The following RBFOX1 variants were observed in gnomAD, a reference collection of about 807,000 sequenced individuals.
RBFOX1 encodes RNA binding fox-1 homolog 1.
In RBFOX1, 8 loss-of-function variants were observed where a neutral mutation model predicts 57.7. The observed-to-expected ratio is 0.14, with a 90% CI of 0.08 to 0.25. The LOEUF is 0.25. Among genes scored for constraint, RBFOX1 ranks in the 10% least tolerant of loss-of-function variants. RBFOX1 has a pLI of 1.00. For synonymous variants in RBFOX1, 326 were observed against 222.4 expected (o/e 1.47, Z -4.15); for missense variants, 611 against 548.5 (o/e 1.11, Z -1.14).
At chr16:7,273,199 T>TCCCC (rs2095366723) in intron 4 of RBFOX1, among the ~76,000 whole-genome samples, 1 of 60,666 alleles carries the variant, frequency 1.6e-5, no homozygotes, top group Non-Finnish European at 3.0e-5. Flanking sequence ...CCTTCCTTCC[T>TCCCC]CCCTCCCTTC....
chr16:6,239,742 C>G (rs1190102180), intron 1 of RBFOX1, among the ~76,000 whole-genome samples: 1 of 152,140 alleles, frequency 6.6e-6, no homozygotes, highest in Admixed American at 6.5e-5. Context: ...CATGATCCGC[C>G]TGCCTTGGCC....
chr16:7,233,872 C>A (rs895883007), intron 4 of RBFOX1, among the ~76,000 whole-genome samples: 8 of 152,148 alleles, frequency 5.3e-5, no homozygotes, highest in African/African-American at 1.9e-4. Flanking sequence ...CCGATCTTAG[C>A]CAAAAAGTCA....
At chr16:6,259,405 G>T (rs1598906723) in intron 1 of RBFOX1, among the ~76,000 whole-genome samples, 1 of 152,226 alleles carries the variant, frequency 6.6e-6, no homozygotes, top group East Asian at 1.9e-4. Context: ...GAAATAAGCT[G>T]CCTTCTTGGT....
intron 1 of RBFOX1, among the ~76,000 whole-genome samples, chr16:6,197,796 A>C (rs750008284): frequency 2.0e-5 from 3 of 151,082 alleles, no homozygotes; most frequent in Admixed American, 2.0e-4. Flanking sequence ...CCCTCCTCCC[A>C]CCCTCCATCC....
chr16:6,769,506 T>C (rs2077943368), intron 3 of RBFOX1, among the ~76,000 whole-genome samples: 1 of 152,234 alleles, frequency 6.6e-6, no homozygotes, highest in Admixed American at 6.5e-5. Flanking sequence ...TGTATATCCT[T>C]AATGGTTTAT....
At chr16:6,644,901 G>C (rs1344288014) in intron 2 of RBFOX1, among the ~76,000 whole-genome samples, 2 of 152,176 alleles carry the variant, frequency 1.3e-5, no homozygotes, top group South Asian at 2.1e-4. Context: ...TCAGCACAAA[G>C]AGCTCCTTGA....
At chr16:6,770,346 G>A (rs1202894353) in intron 3 of RBFOX1, among the ~76,000 whole-genome samples, 1 of 152,134 alleles carries the variant, frequency 6.6e-6, no homozygotes, top group Non-Finnish European at 1.5e-5. Context: ...CAACAGGGCA[G>A]GGGTTGGAAA....
intron 1 of RBFOX1, among the ~76,000 whole-genome samples, chr16:6,260,827 G>A (rs1598919706): frequency 1.3e-5 from 2 of 152,044 alleles, no homozygotes; most frequent in South Asian, 4.1e-4. Context: ...GTTGCAGTTA[G>A]GTGAGATTGT....
intron 1 of RBFOX1, among the ~76,000 whole-genome samples, chr16:6,171,563 A>G (rs1338796667): frequency 6.6e-6 from 1 of 152,152 alleles, no homozygotes; most frequent in Non-Finnish European, 1.5e-5. Flanking sequence ...TGGTTCTGCA[A>G]ATGTCTTGCC....
intron 3 of RBFOX1, among the ~76,000 whole-genome samples, chr16:6,925,137 T>G (rs1412162674): frequency 2.9e-5 from 3 of 103,232 alleles, no homozygotes; most frequent in African/African-American, 8.0e-5. Flanking sequence ...TTTTTTTTTT[T>G]TTTTTTTTTT....
intron 3 of RBFOX1, among the ~76,000 whole-genome samples, chr16:6,976,630 C>T (rs1217907422): frequency 6.6e-6 from 1 of 150,984 alleles, no homozygotes; most frequent in South Asian, 2.1e-4. Flanking sequence ...AGGAAGAACG[C>T]ATCCACCCTA....
Position 7,269,937 on chromosome 16 carries a change from A to G in RBFOX1, c.27+217839A>G, listed in dbSNP as rs937879827. Among the ~76,000 whole-genome samples, 8 of 152,328 alleles carry G rather than the reference A, an allele frequency of 5.3e-5. No individual in the cohort carries two copies. The East Asian group carries it at 1.5e-3, about 29-fold the overall frequency. ...CCAACATTATTTGGTATTATTACATACTTTATTAATTTGATAGGTAAAAAT... is the reference window on the plus strand; with the variant it reads ...CCAACATTATTTGGTATTATTACATGCTTTATTAATTTGATAGGTAAAAAT... On this transcript the variant is annotated intron_variant, in intron 4 of 15. Transcript: ENST00000550418.
Position 6,091,270 on chromosome 16 carries a change from C to G in RBFOX1, c.-127+71278C>G, listed in dbSNP as rs183133104. Among the ~76,000 whole-genome samples, 35 of 152,214 alleles carry G rather than the reference C, an allele frequency of 2.3e-4. No homozygotes were observed. In the East Asian group the frequency reaches 5.8e-3, roughly 25 times the overall value. On this transcript the variant is annotated intron_variant, in intron 1 of 15. Transcript: ENST00000550418. Reference sequence around the variant, plus strand: ...CCCTATTCTCTTACATCTATGATACCCACTTATGAACTCCTTTCTCCTGGT... The same window carrying G: ...CCCTATTCTCTTACATCTATGATACGCACTTATGAACTCCTTTCTCCTGGT...
chr16:5,823,548 C>A (rs1487235429), intron 3 of RBFOX1, among the ~76,000 whole-genome samples: 1 of 152,160 alleles, frequency 6.6e-6, no homozygotes, highest in African/African-American at 2.4e-5. Context: ...GGAACCCAAC[C>A]ACACAGAAGG....
chr16:7,050,986 G>C lies in RBFOX1; in HGVS notation c.-15-1071G>C, dbSNP rs561290139. On this transcript the variant is annotated intron_variant, in intron 3 of 15. Coordinates refer to ENST00000550418, the MANE Select transcript of RBFOX1 (RefSeq NM_018723.4). Reference sequence around the variant, plus strand: ...TCTTCCTTTTTTGTTTTTAGAGAAAGTCAAAACAAACTTTGTATACAAAAT... The same window carrying C: ...TCTTCCTTTTTTGTTTTTAGAGAAACTCAAAACAAACTTTGTATACAAAAT... Among the ~76,000 whole-genome samples, 27 of 152,118 alleles carry C rather than the reference G, an allele frequency of 1.8e-4. No homozygotes were observed. The East Asian group carries it at 4.6e-3, about 26-fold the overall frequency.
intron 3 of RBFOX1, among the ~76,000 whole-genome samples, chr16:6,674,413 C>T (rs1481014684): frequency 6.6e-6 from 1 of 152,060 alleles, no homozygotes; most frequent in Non-Finnish European, 1.5e-5. Context: ...CCTCCGCCTC[C>T]TGGGTTAAAT....
chr16:6,889,544 G>C (rs1016071186), intron 3 of RBFOX1, among the ~76,000 whole-genome samples: 1 of 152,172 alleles, frequency 6.6e-6, no homozygotes, highest in African/African-American at 2.4e-5. Flanking sequence ...TACTCACCCT[G>C]TCTTGAATGA....
intron 3 of RBFOX1, among the ~76,000 whole-genome samples, chr16:5,695,069 A>G (rs2050806915): frequency 6.6e-6 from 1 of 152,054 alleles, no homozygotes; most frequent in South Asian, 2.1e-4. Context: ...ATATGTTTTT[A>G]TTGATAAATT....
At chr16:7,240,933 C>T (rs887023839) in intron 4 of RBFOX1, among the ~76,000 whole-genome samples, 12 of 152,170 alleles carry the variant, frequency 7.9e-5, no homozygotes, top group Non-Finnish European at 2.9e-5. Flanking sequence ...AACAGCAGCA[C>T]AAAAAGTTTC....
Sources: gnomAD v4.1 joint callset for allele counts (sites outside exome capture counted in the v4.1 genomes callset) on GRCh38, gnomAD v4.1.1 for gene constraint, MANE v1.5 for transcripts, NCBI Gene and HGNC (gene_info 2026-07-23, HGNC 2026-07-21) for gene names.